SCN11A: variants seen among roughly 807,000 people sequenced by gnomAD.
The protein encoded by SCN11A is sodium channel protein type 11 subunit alpha.
Under a neutral mutation model 162.2 loss-of-function variants are expected in SCN11A, and 122 were observed. The ratio of observed to expected loss-of-function variants is 0.75; its 90% confidence interval spans 0.65 to 0.87. The LOEUF (loss-of-function observed/expected upper bound fraction) is 0.87, where lower values mean the gene tolerates loss of function less well. Ranked by LOEUF, SCN11A falls within the 40% of genes least tolerant of loss-of-function variation. The pLI, the probability that SCN11A is intolerant of heterozygous loss-of-function variation, is 0.00. For missense variants in SCN11A, 2,015 were observed against 2,181.6 expected (o/e 0.92, Z 1.52); for synonymous variants, 758 against 751.5 (o/e 1.01, Z -0.14).
intron 2 of SCN11A, among the ~76,000 whole-genome samples, chr3:39,016,768 A>T (rs1487110462): frequency 6.6e-6 from 1 of 151,966 alleles, no homozygotes; most frequent in Non-Finnish European, 1.5e-5. Context: ...ATGCCAGGCT[A>T]ATTTTTGTAT....
chr3:38,949,446 T>A (rs1009857443), intron 5 of SCN11A, among the ~76,000 whole-genome samples: 1 of 152,256 alleles, frequency 6.6e-6, no homozygotes, highest in Non-Finnish European at 1.5e-5. Flanking sequence ...AGAATCTGCA[T>A]GTGCCCACTT....
intron 7 of SCN11A, among the ~76,000 whole-genome samples, chr3:38,929,898 G>T (rs1407542015): frequency 2.0e-5 from 3 of 152,104 alleles, no homozygotes; most frequent in Non-Finnish European, 4.4e-5. Flanking sequence ...CAGACCCTTT[G>T]ATCTTGGACT....
intron 2 of SCN11A, among the ~76,000 whole-genome samples, chr3:38,995,851 T>C: frequency 1.0e-5 from 1 of 99,428 alleles, no homozygotes; most frequent in African/African-American, 5.9e-5. Flanking sequence ...CTATCTATAT[T>C]TTGTTTCTCT....
intron 28 of SCN11A, among the ~76,000 whole-genome samples, chr3:38,860,911 A>T (rs920932973): frequency 6.6e-6 from 1 of 152,214 alleles, no homozygotes; most frequent in African/African-American, 2.4e-5. Flanking sequence ...TAAGAGAAAG[A>T]AATAAAGAGT....
chr3:38,870,781 G>A (rs1280369608), intron 25 of SCN11A, 37 bp from the exon 26 acceptor site: 3 of 1,584,316 alleles, frequency 1.9e-6, no homozygotes, highest in African/African-American at 1.3e-5. Context: ...TAATACAAAT[G>A]TAGACTTGCC....
intron 25 of SCN11A, among the ~76,000 whole-genome samples, chr3:38,871,223 G>T (rs2065120466): frequency 6.6e-6 from 1 of 152,186 alleles, no homozygotes; most frequent in African/African-American, 2.4e-5. Context: ...GAGATGTACA[G>T]ATCCTTAAAG....
intron 2 of SCN11A, among the ~76,000 whole-genome samples, chr3:38,998,282 AT>A (rs767154292): frequency 6.6e-6 from 1 of 152,182 alleles, no homozygotes; most frequent in Non-Finnish European, 1.5e-5. Context: ...CATTTCTGTG[AT>A]TTAAGTTTGA....
At position 38,946,980 on chromosome 3, in the gene SCN11A, TATTTATCATGA is replaced by T. The variant is rs1325649010; in HGVS notation, c.268-84_268-74del. On this transcript the variant is annotated intron_variant, in intron 5 of 29. Coordinates refer to ENST00000302328, the MANE Select transcript of SCN11A (RefSeq NM_001349253.2). ...GGAATTAAATGCAGTGACAAAACAATATTTATCATGAATTCATTTAGAGAAAATTATAACAT... is the reference window on the plus strand; with the variant it reads ...GGAATTAAATGCAGTGACAAAACAATATTCATTTAGAGAAAATTATAACAT... 4.7e-6 allele frequency: 4 copies of T among 858,340 alleles called. No homozygotes were observed. In the African/African-American group the frequency reaches 6.8e-5, roughly 15 times the overall value. The allele number at this position is 858,340 out of a possible 1,614,324, so 53.2% of individuals were successfully genotyped here.
At chr3:38,914,248 T>G (rs1398435066) in intron 11 of SCN11A, among the ~76,000 whole-genome samples, 3 of 152,096 alleles carry the variant, frequency 2.0e-5, no homozygotes, top group Non-Finnish European at 4.4e-5. Context: ...TATTATTTTG[T>G]CACAATAGTA....
At chr3:38,944,434 C>T (rs1473585210) in intron 7 of SCN11A, among the ~76,000 whole-genome samples, 2 of 151,638 alleles carry the variant, frequency 1.3e-5, no homozygotes, top group East Asian at 3.9e-4. Flanking sequence ...TCATGCCATT[C>T]TCCTGCCTCA....
chr3:38,917,149 TA>T (rs770742758), intron 11 of SCN11A, among the ~76,000 whole-genome samples: 7 of 152,264 alleles, frequency 4.6e-5, no homozygotes, highest in Middle Eastern at 3.4e-3. Flanking sequence ...TGGCTATTAC[TA>T]AAAAGTCAAA....
chr3:38,932,245 G>A (rs533031725), intron 7 of SCN11A, among the ~76,000 whole-genome samples: 86 of 152,236 alleles, frequency 5.6e-4, no homozygotes, highest in Non-Finnish European at 1.0e-3. Flanking sequence ...CTGGAGCCAA[G>A]ATGGCCGAAT....
intron 22 of SCN11A, among the ~76,000 whole-genome samples, chr3:38,882,907 G>A (rs192605994): frequency 5.9e-5 from 9 of 152,250 alleles, no homozygotes; most frequent in Non-Finnish European, 1.0e-4. Flanking sequence ...GCTGTCTAGA[G>A]GAAGAACTAT....
intron 5 of SCN11A, 31 bp downstream of exon 5, chr3:38,950,063 ACC>A: frequency 1.6e-5 from 1 of 62,398 alleles, no homozygotes. Context: ...GAACACCCCC[ACC>A]CCCACCCCCC....
chr3:38,948,355 T>C (rs150446406), intron 5 of SCN11A, among the ~76,000 whole-genome samples: 4 of 152,354 alleles, frequency 2.6e-5, no homozygotes, highest in East Asian at 3.9e-4. Flanking sequence ...TTTTAACTAA[T>C]GGTGTATTTA....
chr3:38,990,565 G>C (rs113380783), intron 2 of SCN11A, among the ~76,000 whole-genome samples: 1,795 of 152,260 alleles, frequency 0.012, 33 homozygotes, highest in African/African-American at 0.04. Flanking sequence ...AGGGATGACT[G>C]AGAATGGTTT....
chr3:38,847,079 T>C lies in SCN11A; in HGVS notation c.4991A>G (p.Lys1664Arg). ...CAAGTCCATTACTAGAAATTGATAT[T>C]TATTTGGCTTTGCGACACGCAAAGG... ...PEPLRVAKPNKYQFLVMDLPM... is the reference protein window; with the variant it reads ...PEPLRVAKPNRYQFLVMDLPM... The change falls in exon 30 of 30, where the codon AAA (lysine) becomes AGA (arginine). Residue 1664 changes from lysine (K) to arginine (R), a missense_variant. Lys to Arg is a conservative substitution (Grantham distance 26, BLOSUM62 2). Transcript: ENST00000302328. 6.2e-7 allele frequency: 1 copy of C among 1,614,084 alleles called. No individual in the cohort carries two copies. Among genetic ancestry groups the C allele is most frequent in the Middle Eastern group, 1.7e-4 (1 of 6,058 alleles).
chr3:38,978,384 A>G (rs1190239578), intron 2 of SCN11A, among the ~76,000 whole-genome samples: 1 of 152,220 alleles, frequency 6.6e-6, no homozygotes, highest in East Asian at 1.9e-4. Flanking sequence ...GGTAGCTCAT[A>G]CCTGTAATCC....
intron 2 of SCN11A, among the ~76,000 whole-genome samples, chr3:38,973,398 TGA>T (rs1488090781): frequency 9.2e-5 from 13 of 141,512 alleles, no homozygotes; most frequent in African/African-American, 2.0e-4. Context: ...TAAATGGTGT[TGA>T]GATACACACA....
Sources: allele counts gnomAD v4.1 joint callset (sites outside exome capture counted in the v4.1 genomes callset), GRCh38; gene constraint gnomAD v4.1.1; transcripts MANE v1.5; gene names NCBI Gene and HGNC (gene_info 2026-07-23, HGNC 2026-07-21).